SUPT3H: variants seen among roughly 807,000 people sequenced by gnomAD.
SUPT3H encodes transcription initiation protein SPT3 homolog.
Under a neutral mutation model 44.3 loss-of-function variants are expected in SUPT3H, and 44 were observed. That is an observed-to-expected ratio of 0.99 (90% CI 0.78 to 1.28). The LOEUF is 1.28. SUPT3H is among the 50% of genes most tolerant of loss of function. The pLI is 0.00. For missense variants in SUPT3H, 380 were observed against 387.1 expected (o/e 0.98, Z 0.15); for synonymous variants, 124 against 125.6 (o/e 0.99, Z 0.09).
intron 2 of SUPT3H, among the ~76,000 whole-genome samples, chr6:45,142,736 CAAAAAAAAAAAAAAA>C (rs70993502): frequency 3.1e-3 from 47 of 14,966 alleles, no homozygotes; most frequent in African/African-American, 0.01. Flanking sequence ...AACTCCGTCT[CAAAAAAAAAAAAAAA>C]AAAAAAAAAA....
intron 2 of SUPT3H, among the ~76,000 whole-genome samples, chr6:45,116,507 T>C (rs545063118): frequency 6.6e-6 from 1 of 152,310 alleles, no homozygotes; most frequent in East Asian, 1.9e-4. Context: ...ACTATGCCTG[T>C]CCCTCTGCAT....
intron 2 of SUPT3H, among the ~76,000 whole-genome samples, chr6:45,330,061 T>G (rs1239264100): frequency 6.6e-6 from 1 of 151,724 alleles, no homozygotes; most frequent in Non-Finnish European, 1.5e-5. Context: ...TAATTAAACC[T>G]GAAGGGAGAA....
intron 2 of SUPT3H, among the ~76,000 whole-genome samples, chr6:45,324,031 A>G (rs1468011456): frequency 1.3e-5 from 2 of 152,074 alleles, no homozygotes; most frequent in Admixed American, 6.6e-5. Context: ...CATTGTGGGT[A>G]GTAGTTTCCT....
At chr6:44,866,458 A>T (rs1467205359) in intron 10 of SUPT3H, among the ~76,000 whole-genome samples, 1 of 150,650 alleles carries the variant, frequency 6.6e-6, no homozygotes, top group Non-Finnish European at 1.5e-5. Flanking sequence ...TCTCTTAGGT[A>T]ATATATATAT....
chr6:44,983,580 T>C lies in SUPT3H; in HGVS notation c.504+20073A>G, dbSNP rs559013564. 4.1e-4 allele frequency among the ~76,000 whole-genome samples: 63 copies of C among 152,254 alleles called. No individual in the cohort carries two copies. The South Asian group carries it at 7.7e-3, about 19-fold the overall frequency. ...TGCTTATGACACTTCAAAGAGCATA[T>C]TATGTGGGAAAACAAAATAAACATT... On this transcript the variant is annotated intron_variant, in intron 6 of 10. Transcript: ENST00000371459.
chr6:44,995,338 A>C (rs1276031084), intron 6 of SUPT3H, among the ~76,000 whole-genome samples: 1 of 152,066 alleles, frequency 6.6e-6, no homozygotes, highest in Non-Finnish European at 1.5e-5. Context: ...ATGACAATTC[A>C]CAGACAACTT....
At chr6:45,253,882 C>G (rs376531256) in intron 2 of SUPT3H, among the ~76,000 whole-genome samples, 1 of 67,218 alleles carries the variant, frequency 1.5e-5, no homozygotes, top group Non-Finnish European at 3.2e-5. Flanking sequence ...TACACACACA[C>G]AGTACATATA....
chr6:45,159,346 C>T (rs1003006474), intron 2 of SUPT3H: 4 of 152,150 alleles, frequency 2.6e-5, no homozygotes, highest in Admixed American at 6.6e-5. Context: ...AGTCACTATT[C>T]GAAATTACTT....
chr6:44,843,923 A>G (rs992498458), intron 10 of SUPT3H, among the ~76,000 whole-genome samples: 6 of 35,752 alleles, frequency 1.7e-4, no homozygotes, highest in Admixed American at 4.6e-4. Flanking sequence ...ACACACACAC[A>G]CACGCACACA....
chr6:45,194,380 A>G (rs1002044134), intron 2 of SUPT3H, among the ~76,000 whole-genome samples: 1 of 152,136 alleles, frequency 6.6e-6, no homozygotes, highest in African/African-American at 2.4e-5. Context: ...AACCACCTCT[A>G]TTATATATCT....
chr6:45,056,903 G>A (rs1247987463), intron 3 of SUPT3H, among the ~76,000 whole-genome samples: 1 of 151,870 alleles, frequency 6.6e-6, no homozygotes, highest in Non-Finnish European at 1.5e-5. Flanking sequence ...GATATGCAAA[G>A]AAAGAGAAAA....
intron 3 of SUPT3H, among the ~76,000 whole-genome samples, chr6:45,071,748 G>C (rs1384302373): frequency 1.3e-5 from 2 of 152,124 alleles, no homozygotes; most frequent in African/African-American, 2.4e-5. Flanking sequence ...TCTCTGAGAA[G>C]GGAGATCATG....
intron 10 of SUPT3H, among the ~76,000 whole-genome samples, chr6:44,932,448 A>G (rs1770730659): frequency 6.6e-6 from 1 of 152,236 alleles, no homozygotes; most frequent in African/African-American, 2.4e-5. Flanking sequence ...GAAAGAAAAT[A>G]ATATTTTGTA....
intron 2 of SUPT3H, among the ~76,000 whole-genome samples, chr6:45,230,686 A>ATATATATATATATATATATTTT (rs796866510): frequency 2.3e-4 from 27 of 116,810 alleles, no homozygotes; most frequent in African/African-American, 8.2e-4. Context: ...ATATATATAT[A>ATATATATATATATATATATTTT]TTTTTGAGAT....
At chr6:44,832,709 A>C (rs565145246) in intron 10 of SUPT3H, among the ~76,000 whole-genome samples, 1 of 152,182 alleles carries the variant, frequency 6.6e-6, no homozygotes, top group South Asian at 2.1e-4. Flanking sequence ...TTTTTAATTG[A>C]GGACCCAATT....
At chr6:44,978,488 T>A (rs1778644777) in intron 6 of SUPT3H, among the ~76,000 whole-genome samples, 1 of 152,136 alleles carries the variant, frequency 6.6e-6, no homozygotes, top group Admixed American at 6.5e-5. Flanking sequence ...AAGACAAGTA[T>A]ACTACAAACA....
Position 44,864,731 on chromosome 6 carries a change from ACCCTGGG to A in SUPT3H, c.913-34881_913-34875del, listed in dbSNP as rs557799671. On this transcript the variant is annotated intron_variant, in intron 10 of 10. Coordinates refer to ENST00000371459, the MANE Select transcript of SUPT3H (RefSeq NM_003599.4). The stretch of plus-strand genomic sequence containing the variant: ...TCCCTAGGCTGCACACAGCGTGGGG[ACCCTGGG>A]CCCAGCCCACAAAAAAAACACTCTT... Among the ~76,000 whole-genome samples, 371 of 151,780 alleles carry A rather than the reference ACCCTGGG, an allele frequency of 2.4e-3. 1 individual carries two copies. The highest frequency in any genetic ancestry group is 3.4e-3 in the Middle Eastern group (1 of 292).
chr6:45,176,115 C>T (rs1176878020), intron 2 of SUPT3H, among the ~76,000 whole-genome samples: 2 of 152,034 alleles, frequency 1.3e-5, no homozygotes, highest in African/African-American at 4.8e-5. Flanking sequence ...CAGCTCCCAG[C>T]GTGAGCGACG....
intron 2 of SUPT3H, among the ~76,000 whole-genome samples, chr6:45,176,208 G>A (rs1489259547): frequency 1.3e-5 from 2 of 151,878 alleles, no homozygotes; most frequent in Non-Finnish European, 2.9e-5. Flanking sequence ...GCGCAGGTCA[G>A]TGGGTGCGCG....
Sources: gnomAD v4.1 joint callset for allele counts (sites outside exome capture counted in the v4.1 genomes callset) on GRCh38, gnomAD v4.1.1 for gene constraint, MANE v1.5 for transcripts, NCBI Gene and HGNC (gene_info 2026-07-23, HGNC 2026-07-21) for gene names.